The following SDK1 variants were observed in gnomAD, a reference collection of about 807,000 sequenced individuals.
SDK1 encodes sidekick cell adhesion molecule 1.
A neutral mutation model predicts 245.5 loss-of-function variants in SDK1; 157 were observed. The observed-to-expected ratio is 0.64, with a 90% CI of 0.56 to 0.73. The LOEUF (loss-of-function observed/expected upper bound fraction) is 0.73. Among genes scored for constraint, SDK1 ranks in the 30% least tolerant of loss-of-function variants. The pLI is 0.00. For missense variants in SDK1, 3,583 were observed against 3,002.3 expected (o/e 1.19, Z -4.52); for synonymous variants, 1,647 against 1,278.5 (o/e 1.29, Z -6.15).
chr7:4,236,193 A>C (rs1265681020), intron 41 of SDK1, among the ~76,000 whole-genome samples: 1 of 152,148 alleles, frequency 6.6e-6, no homozygotes, highest in South Asian at 2.1e-4. Context: ...CCGTGAGCCA[A>C]TGCCTGGGCT....
At chr7:3,329,298 C>T (rs1439137246) in intron 1 of SDK1, among the ~76,000 whole-genome samples, 4 of 152,136 alleles carry the variant, frequency 2.6e-5, no homozygotes, top group Admixed American at 2.0e-4. Flanking sequence ...TCTTTCCTCT[C>T]TTCTCATTTT....
chr7:3,594,221 C>G (rs1347209542), intron 1 of SDK1, among the ~76,000 whole-genome samples: 4 of 152,178 alleles, frequency 2.6e-5, no homozygotes, highest in Admixed American at 2.6e-4. Flanking sequence ...GTTTTTGTCA[C>G]TGACTTGTTT....
chr7:4,124,316 G>A (rs10951435), intron 25 of SDK1, among the ~76,000 whole-genome samples: 30,565 of 152,074 alleles, frequency 0.2, 4,112 homozygotes, highest in East Asian at 0.74. Context: ...GTGTTGGCAG[G>A]GCCATGATCC....
chr7:3,774,368 G>A (rs1780490054), intron 4 of SDK1, among the ~76,000 whole-genome samples: 1 of 152,194 alleles, frequency 6.6e-6, no homozygotes, highest in African/African-American at 2.4e-5. Context: ...AGCAATCAGT[G>A]ATAAGAACAG....
intron 1 of SDK1, among the ~76,000 whole-genome samples, chr7:3,376,444 A>G (rs1781357774): frequency 2.7e-5 from 4 of 145,638 alleles, no homozygotes; most frequent in Admixed American, 2.7e-4. Flanking sequence ...ACTCTTAAAA[A>G]TCAGTAAGAA....
intron 5 of SDK1, among the ~76,000 whole-genome samples, chr7:3,881,503 T>G (rs1038766530): frequency 6.6e-6 from 1 of 152,234 alleles, no homozygotes; most frequent in African/African-American, 2.4e-5. Flanking sequence ...CATTCTATCA[T>G]TGATGGACAT....
chr7:3,323,017 G>A (rs546710276), intron 1 of SDK1, among the ~76,000 whole-genome samples: 2 of 152,100 alleles, frequency 1.3e-5, no homozygotes, highest in South Asian at 2.1e-4. Flanking sequence ...GCCGAGGCTC[G>A]TCTCAAACTC....
At chr7:3,988,967 G>T (rs541237399) in intron 14 of SDK1, among the ~76,000 whole-genome samples, 10 of 152,126 alleles carry the variant, frequency 6.6e-5, no homozygotes, top group African/African-American at 2.4e-4. Flanking sequence ...ATATTGGCCA[G>T]GCTGGTCTCA....
At chr7:3,908,829 ATT>A (rs200107496) in intron 5 of SDK1, among the ~76,000 whole-genome samples, 45 of 131,082 alleles carry the variant, frequency 3.4e-4, no homozygotes, top group African/African-American at 1.0e-3. Flanking sequence ...GAAAGAATTC[ATT>A]TTTTTTTTTT....
At chr7:3,415,253 G>GT (rs1346642605) in intron 1 of SDK1, among the ~76,000 whole-genome samples, 1 of 152,134 alleles carries the variant, frequency 6.6e-6, no homozygotes, top group Non-Finnish European at 1.5e-5. Flanking sequence ...TTAAAATGAG[G>GT]TTCATTCATG....
intron 14 of SDK1, among the ~76,000 whole-genome samples, chr7:3,992,463 C>T (rs1255986700): frequency 6.6e-6 from 1 of 152,100 alleles, no homozygotes; most frequent in Non-Finnish European, 1.5e-5. Context: ...TTGAGGAGGG[C>T]AGAGGGTCAG....
At chr7:4,153,782 C>T (rs1330752460) in intron 30 of SDK1, among the ~76,000 whole-genome samples, 1 of 152,090 alleles carries the variant, frequency 6.6e-6, no homozygotes, top group African/African-American at 2.4e-5. Flanking sequence ...GCTCAAGATA[C>T]CATCCTGTCT....
intron 4 of SDK1, among the ~76,000 whole-genome samples, chr7:3,789,425 G>A (rs1390506200): frequency 6.6e-6 from 1 of 152,214 alleles, no homozygotes; most frequent in Non-Finnish European, 1.5e-5. Flanking sequence ...TGGGATTACA[G>A]GCGTGAGCCA....
intron 14 of SDK1, among the ~76,000 whole-genome samples, chr7:3,994,941 G>T (rs1364272799): frequency 6.6e-6 from 1 of 152,150 alleles, no homozygotes; most frequent in Non-Finnish European, 1.5e-5. Flanking sequence ...AGGATCTGCA[G>T]AGAACCCACC....
chr7:3,693,123 T>C (rs1165794474), intron 4 of SDK1, among the ~76,000 whole-genome samples: 1 of 152,072 alleles, frequency 6.6e-6, no homozygotes, highest in Non-Finnish European at 1.5e-5. Context: ...GACATATTTC[T>C]TAACGATATT....
rs781176698 is a variant in SDK1, at chr7:4,241,905, C to T, written c.6243C>T (p.Asn2081=). Residue 2081 remains asparagine, a synonymous_variant, in exon 43 of 45, where the codon AAC becomes AAT. Transcript: ENST00000404826. ...LNVKSTFSKK[N]GTRSPPRPSP... ...TCAAGAGCACCTTCTCCAAGAAGAA[C>T]GGGACCAGGTAGGCAGGCAGTGCTG... 68 of 1,613,266 alleles carry T rather than the reference C, an allele frequency of 4.2e-5. No individual in the cohort carries two copies. In the Admixed American group the frequency reaches 5.7e-4, roughly 13 times the overall value.
rs142894206 is a variant in SDK1 at position 4,067,447 on chromosome 7, G to C, written c.2912-391G>C. 5.5e-3 allele frequency among the ~76,000 whole-genome samples: 836 copies of C among 152,298 alleles called. 8 individuals carry two copies. Among genetic ancestry groups the C allele is most frequent in the African/African-American group, 0.019 (797 of 41,562 alleles). ...CTTTTCTGGTTTGCACAAGGTTACA[G>C]ATGGCCCCCACACAAGCCAGACACG... On this transcript the variant is annotated intron_variant, in intron 19 of 44. Coordinates refer to ENST00000404826, the MANE Select transcript of SDK1 (RefSeq NM_152744.4).
At chr7:3,308,067 C>T (rs1779461746) in intron 1 of SDK1, among the ~76,000 whole-genome samples, 1 of 152,158 alleles carries the variant, frequency 6.6e-6, no homozygotes, top group Non-Finnish European at 1.5e-5. Context: ...CCGTCTAACA[C>T]ATGATATATT....
intron 1 of SDK1, among the ~76,000 whole-genome samples, chr7:3,434,422 C>T (rs1027041683): frequency 2.6e-5 from 4 of 152,092 alleles, no homozygotes; most frequent in Non-Finnish European, 4.4e-5. Context: ...TGTGGTTTAC[C>T]CTGAGGAAGT....
Sources: allele counts gnomAD v4.1 joint callset (sites outside exome capture counted in the v4.1 genomes callset), GRCh38; gene constraint gnomAD v4.1.1; transcripts MANE v1.5; gene names NCBI Gene and HGNC (gene_info 2026-07-23, HGNC 2026-07-21).